MID1: variants seen among roughly 807,000 people sequenced by gnomAD.
MID1 encodes E3 ubiquitin-protein ligase Midline-1.
MID1 carries 7 observed loss-of-function variants against 40.4 expected under a neutral mutation model. The observed-to-expected ratio is 0.17, with a 90% CI of 0.10 to 0.33. The LOEUF (loss-of-function observed/expected upper bound fraction) is 0.33, where lower values mean the gene tolerates loss of function less well. MID1 is among the 10% of genes least tolerant of loss of function. The pLI, the probability that MID1 is intolerant of heterozygous loss-of-function variation, is 1.00. For missense variants in MID1, 367 were observed against 558.5 expected, an observed-to-expected ratio of 0.66 and a Z score of 3.46; for synonymous variants, 229 against 221.2, an observed-to-expected ratio of 1.04 and a Z score of -0.31.
At chrX:10,787,638 C>T (rs963509299) in intron 1 of MID1, among the ~76,000 whole-genome samples, 5 of 94,111 alleles carry the variant, frequency 5.3e-5, no homozygotes, top group Admixed American at 1.2e-4. Context: ...GCTGGTCTCC[C>T]GGGCTCAAAC....
chrX:10,522,686 C>T (rs1350576377), intron 3 of MID1, among the ~76,000 whole-genome samples: 6 of 111,256 alleles, frequency 5.4e-5, no homozygotes, highest in East Asian at 2.9e-4. Flanking sequence ...TTAGTAGAGA[C>T]GGGGTTTCAC....
intron 4 of MID1, among the ~76,000 whole-genome samples, chrX:10,494,107 A>G (rs1931101152): frequency 8.9e-6 from 1 of 112,521 alleles, no homozygotes; most frequent in Non-Finnish European, 1.9e-5. Flanking sequence ...TTTTCGGCAC[A>G]TGTGAGTCCT....
intron 1 of MID1, among the ~76,000 whole-genome samples, chrX:10,699,804 G>A (rs2043183877): frequency 9.0e-6 from 1 of 110,913 alleles, no homozygotes; most frequent in African/African-American, 3.3e-5. Context: ...ATGTAGATTA[G>A]GAAAAGTGGC....
intron 2 of MID1, among the ~76,000 whole-genome samples, chrX:10,560,268 C>T (rs767112552): frequency 9.1e-6 from 1 of 110,148 alleles, no homozygotes; most frequent in African/African-American, 3.3e-5. Context: ...AAATTTCACT[C>T]TCGGCAAAAA....
chrX:10,664,442 T>C (rs1207498754), intron 1 of MID1, among the ~76,000 whole-genome samples: 1 of 112,225 alleles, frequency 8.9e-6, no homozygotes, highest in Non-Finnish European at 1.9e-5. Flanking sequence ...AGTGCTAGGA[T>C]TATAGGCATG....
chrX:10,644,044 T>C (rs951864437), intron 1 of MID1, among the ~76,000 whole-genome samples: 1 of 111,233 alleles, frequency 9.0e-6, no homozygotes, highest in African/African-American at 3.3e-5. Flanking sequence ...TTAGGAGATA[T>C]ACCTTATGTA....
chrX:10,778,673 G>A (rs1345570254), intron 1 of MID1, among the ~76,000 whole-genome samples: 2 of 112,267 alleles, frequency 1.8e-5, no homozygotes, highest in Non-Finnish European at 1.9e-5. Flanking sequence ...AGTAGTTAGA[G>A]AGATTTAAAG....
At chrX:10,621,046 A>T (rs1935928003), upstream of MID1, among the ~76,000 whole-genome samples, 1 of 112,385 alleles carries the variant, frequency 8.9e-6, no homozygotes, top group South Asian at 3.7e-4. Context: ...CCTCATCTGC[A>T]TATAGATTAA....
At position 10,459,674 on chromosome X, in the gene MID1, G is replaced by T; in HGVS notation, c.1419C>A (p.Ser473Arg). The T allele has an allele frequency of 8.3e-7, 1 of 1,211,572 alleles. No homozygotes were observed. The highest frequency in any genetic ancestry group is 1.1e-6 in the Non-Finnish European group (1 of 895,513). The change falls in exon 8 of 10, where the codon AGC becomes AGA. Residue 473 changes from serine (S) to arginine (R), a missense_variant. This residue lies in a region of MID1 where 275 missense variants were observed against 383.1 expected (regional missense o/e 0.72). Transcript: ENST00000317552. The stretch of plus-strand genomic sequence containing the variant: ...TTGTCTTCAACTTCCCAGGCTCACT[G>T]CTGCGGCTGCCCGCCTGGTTGATGG... ...VKAINQAGSR[S>R]SEPGKLKTNS...
At chrX:10,682,716 G>A (rs1463653454) in intron 1 of MID1, among the ~76,000 whole-genome samples, 1 of 111,493 alleles carries the variant, frequency 9.0e-6, no homozygotes, top group Non-Finnish European at 1.9e-5. Context: ...GTTCTATGCT[G>A]TACTCTCACT....
At chrX:10,503,333 T>C (rs914950208) in intron 3 of MID1, among the ~76,000 whole-genome samples, 1 of 111,729 alleles carries the variant, frequency 9.0e-6, no homozygotes, top group African/African-American at 3.3e-5. Flanking sequence ...CTGATATGTT[T>C]ATATGTAATC....
intron 1 of MID1, among the ~76,000 whole-genome samples, chrX:10,800,631 C>G: frequency 8.9e-6 from 1 of 111,788 alleles, no homozygotes; most frequent in Non-Finnish European, 1.9e-5. Flanking sequence ...GATAATGATG[C>G]TAGTTTTTGA....
chrX:10,791,553 G>T (rs1457703701), intron 1 of MID1, among the ~76,000 whole-genome samples: 2 of 112,092 alleles, frequency 1.8e-5, no homozygotes, highest in African/African-American at 3.2e-5. Context: ...AAAGGGGGCA[G>T]TTGGCACTGG....
At chrX:10,709,937 GGAGA>G (rs2043255218) in intron 1 of MID1, among the ~76,000 whole-genome samples, 1 of 111,890 alleles carries the variant, frequency 8.9e-6, no homozygotes, top group South Asian at 3.7e-4. Flanking sequence ...TAGGATGTGG[GGAGA>G]GAGAAAGACA....
At chrX:10,473,196 G>A (rs1195768867) in intron 6 of MID1, among the ~76,000 whole-genome samples, 1 of 110,625 alleles carries the variant, frequency 9.0e-6, no homozygotes, top group African/African-American at 3.4e-5. Flanking sequence ...ACGCTGGATA[G>A]TACAGATATA....
At chrX:10,451,118 T>C (rs773170139) in intron 9 of MID1, among the ~76,000 whole-genome samples, 29 of 111,873 alleles carry the variant, frequency 2.6e-4, no homozygotes, top group African/African-American at 8.8e-4. Flanking sequence ...AGGATGGAAT[T>C]GATAATCTGC....
intron 1 of MID1, among the ~76,000 whole-genome samples, chrX:10,661,459 C>A (rs1371184570): frequency 9.2e-6 from 1 of 109,136 alleles, no homozygotes. Flanking sequence ...ACTACAGGCA[C>A]CCACCACCAC....
At chrX:10,558,352 C>A (rs1225906374) in intron 2 of MID1, among the ~76,000 whole-genome samples, 1 of 112,027 alleles carries the variant, frequency 8.9e-6, no homozygotes. Flanking sequence ...CAGCTTAAAT[C>A]CCACCACCCT....
intron 4 of MID1, among the ~76,000 whole-genome samples, chrX:10,487,706 T>C (rs1406174861): frequency 9.0e-6 from 1 of 111,601 alleles, no homozygotes; most frequent in East Asian, 2.8e-4. Context: ...TGTAGATTAG[T>C]AGAAAGTGCC....
Sources: allele counts gnomAD v4.1 joint callset (sites outside exome capture counted in the v4.1 genomes callset), GRCh38; gene constraint gnomAD v4.1.1; regional missense constraint gnomAD v4.1.1; transcripts MANE v1.5; gene names NCBI Gene and HGNC (gene_info 2026-07-23, HGNC 2026-07-21).